The following DGAT2L6 variants were observed in gnomAD, a reference collection of about 807,000 sequenced individuals.
DGAT2L6 encodes diacylglycerol O-acyltransferase 2 like 6, also known as diacylglycerol O-acyltransferase 2-like protein 6.
In DGAT2L6, 22 loss-of-function variants were observed where a neutral mutation model predicts 25.5. The observed-to-expected ratio is 0.86, with a 90% CI of 0.62 to 1.23. The LOEUF (loss-of-function observed/expected upper bound fraction) is 1.23, where lower values mean the gene tolerates loss of function less well. DGAT2L6 is among the 50% of genes most tolerant of loss of function. The pLI is 0.00. For missense variants in DGAT2L6, 287 were observed against 253.2 expected (o/e 1.13, Z -0.91); for synonymous variants, 100 against 94.7 (o/e 1.06, Z -0.32).
chrX:70,203,477 G>A (rs1034584102), intron 5 of DGAT2L6, among the ~76,000 whole-genome samples: 1 of 111,857 alleles, frequency 8.9e-6, no homozygotes, highest in Non-Finnish European at 1.9e-5. Context: ...AATATTGGTA[G>A]GAGTTGCCAG....
chrX:70,183,405 G>T (rs749444232), intron 1 of DGAT2L6, among the ~76,000 whole-genome samples: 1 of 112,160 alleles, frequency 8.9e-6, no homozygotes, highest in African/African-American at 3.2e-5. Context: ...CCTCCTTTTA[G>T]ATATTACTCA....
chrX:70,196,815 A>AC (rs1204565836), intron 1 of DGAT2L6, among the ~76,000 whole-genome samples: 1 of 111,634 alleles, frequency 9.0e-6, no homozygotes, highest in African/African-American at 3.3e-5. Flanking sequence ...TAAGAAAACA[A>AC]CCCAATTGAA....
At chrX:70,198,242 G>A (rs1428300213) in intron 1 of DGAT2L6, among the ~76,000 whole-genome samples, 4 of 112,464 alleles carry the variant, frequency 3.6e-5, no homozygotes, top group Admixed American at 9.4e-5. Flanking sequence ...AACATGTATC[G>A]TGTTTGCAGT....
Position 70,199,795 on chromosome X carries a change from C to T in DGAT2L6, c.197-17C>T, listed in dbSNP as rs1325582687. 18 of 1,205,119 alleles carry T rather than the reference C, an allele frequency of 1.5e-5. No homozygotes were observed. Among genetic ancestry groups the T allele is most frequent in the Non-Finnish European group, 1.9e-5 (17 of 891,702 alleles). ...GCAATGCCCTGTGTACTCTTCCCTTCCCTTCTGTACCCACAGGTGGCAGGC... is the reference window on the plus strand; with the variant it reads ...GCAATGCCCTGTGTACTCTTCCCTTTCCTTCTGTACCCACAGGTGGCAGGC... On this transcript the variant is annotated splice_polypyrimidine_tract_variant and intron_variant, in intron 2 of 6. Coordinates refer to ENST00000333026, the MANE Select transcript of DGAT2L6 (RefSeq NM_198512.3).
chrX:70,199,475 G>A (rs2085402483), intron 2 of DGAT2L6, 94 bp downstream of exon 2: 2 of 585,582 alleles, frequency 3.4e-6, no homozygotes, highest in African/African-American at 4.5e-5. Context: ...ACCAAGGGTA[G>A]GGGAGAGGGG....
intron 1 of DGAT2L6, among the ~76,000 whole-genome samples, chrX:70,183,289 A>G (rs1307538884): frequency 8.9e-6 from 1 of 112,109 alleles, no homozygotes; most frequent in Non-Finnish European, 1.9e-5. Flanking sequence ...CTAAACAAAC[A>G]GGAAATGTAC....
intron 1 of DGAT2L6, among the ~76,000 whole-genome samples, chrX:70,183,082 C>A (rs1221969318): frequency 8.9e-6 from 1 of 112,441 alleles, no homozygotes; most frequent in Non-Finnish European, 1.9e-5. Context: ...CGTGAGCCAC[C>A]GCCTCAAAAG....
At chrX:70,180,677 A>G (rs1163247074) in intron 1 of DGAT2L6, among the ~76,000 whole-genome samples, 2 of 111,225 alleles carry the variant, frequency 1.8e-5, no homozygotes, top group African/African-American at 6.5e-5. Flanking sequence ...GAAACTCTGT[A>G]TCCATTACAC....
chrX:70,188,694 GATCCCTC>G (rs1331885573), intron 1 of DGAT2L6, among the ~76,000 whole-genome samples: 3 of 110,697 alleles, frequency 2.7e-5, no homozygotes, highest in Non-Finnish European at 5.7e-5. Context: ...TACAGACTAA[GATCCCTC>G]ATATATATAA....
chrX:70,187,323 A>G (rs916036496), intron 1 of DGAT2L6, among the ~76,000 whole-genome samples: 9 of 110,548 alleles, frequency 8.1e-5, no homozygotes, highest in Non-Finnish European at 1.7e-4. Flanking sequence ...TTTTCCAGGC[A>G]AAGGGGACCG....
chrX:70,203,288 C>A (rs1273019796), intron 5 of DGAT2L6, among the ~76,000 whole-genome samples: 1 of 112,367 alleles, frequency 8.9e-6, no homozygotes, highest in African/African-American at 3.2e-5. Context: ...ATTGTATTCA[C>A]TGATGCATCT....
intron 1 of DGAT2L6, among the ~76,000 whole-genome samples, chrX:70,195,994 GA>G (rs1431404585): frequency 1.8e-5 from 2 of 111,363 alleles, no homozygotes; most frequent in East Asian, 5.6e-4. Context: ...GTATGGTGGT[GA>G]ATGTATTGAT....
chrX:70,199,123 C>A (rs765133907), intron 1 of DGAT2L6, 148 bp from the exon 2 acceptor site: 3 of 411,080 alleles, frequency 7.3e-6, no homozygotes, highest in Non-Finnish European at 1.3e-5. Flanking sequence ...AAATGGAGGG[C>A]GAGGGGTTGG....
intron 1 of DGAT2L6, among the ~76,000 whole-genome samples, chrX:70,177,896 G>A (rs1325503478): frequency 9.1e-6 from 1 of 110,218 alleles, no homozygotes; most frequent in African/African-American, 3.3e-5. Context: ...GGAGGCCGAG[G>A]CAGGTGGATC....
chrX:70,204,429 G>C lies in DGAT2L6; in HGVS notation c.772G>C (p.Gly258Arg). 6 of 1,211,561 alleles carry C rather than the reference G, an allele frequency of 5.0e-6. No homozygotes were observed. Among genetic ancestry groups the C allele is most frequent in the Non-Finnish European group, 6.7e-6 (6 of 895,499 alleles). Residue 258 changes from glycine to arginine, a missense_variant, in exon 6 of 7, where the codon GGA becomes CGA. Transcript: ENST00000333026. ...CCAGGACACATTCAAAAAAATCCTGGGACTAAATTTCTGTACCTTCCATGG... is the reference window on the plus strand; with the variant it reads ...CCAGGACACATTCAAAAAAATCCTGCGACTAAATTTCTGTACCTTCCATGG... ...TFQDTFKKIL[G>R]LNFCTFHGRG...
intron 5 of DGAT2L6, among the ~76,000 whole-genome samples, chrX:70,203,271 A>G (rs990679961): frequency 1.8e-5 from 2 of 112,404 alleles, no homozygotes; most frequent in Non-Finnish European, 3.8e-5. Context: ...AGAATTTTTA[A>G]AAATCCATTG....
At chrX:70,188,859 C>T (rs1344826034) in intron 1 of DGAT2L6, among the ~76,000 whole-genome samples, 1 of 107,556 alleles carries the variant, frequency 9.3e-6, no homozygotes, top group African/African-American at 3.4e-5. Flanking sequence ...ACCATCTAAG[C>T]ATGAAAAAAC....
intron 1 of DGAT2L6, among the ~76,000 whole-genome samples, chrX:70,182,684 C>T (rs2085347145): frequency 9.6e-6 from 1 of 104,081 alleles, no homozygotes; most frequent in Non-Finnish European, 2.0e-5. Flanking sequence ...GGCAGAGTCT[C>T]GCTCTGTCGC....
chrX:70,187,572 A>G (rs1177498303), intron 1 of DGAT2L6, among the ~76,000 whole-genome samples: 1 of 112,065 alleles, frequency 8.9e-6, no homozygotes, highest in Non-Finnish European at 1.9e-5. Flanking sequence ...ACTTAGATAC[A>G]GTAAGTAATC....
Sources: allele counts gnomAD v4.1 joint callset (sites outside exome capture counted in the v4.1 genomes callset), GRCh38; gene constraint gnomAD v4.1.1; transcripts MANE v1.5; gene names NCBI Gene and HGNC (gene_info 2026-07-23, HGNC 2026-07-21).